Variants in NOM1 observed in about 807,000 individuals in gnomAD.
NOM1 encodes the protein nucleolar protein with MIF4G domain 1, also known as nucleolar MIF4G domain-containing protein 1.
NOM1 carries 58 observed loss-of-function variants against 73.3 expected under a neutral mutation model. The ratio of observed to expected loss-of-function variants is 0.79; its 90% CI spans 0.64 to 0.99. NOM1 has a LOEUF of 0.99. Ranked by LOEUF, NOM1 falls within the 50% of genes least tolerant of loss-of-function variation. The probability of loss-of-function intolerance (pLI) is 0.00; values close to 1 mark genes in which losing one functional copy is unlikely to be tolerated. For synonymous variants in NOM1, 487 were observed against 446.8 expected (o/e 1.09, Z -1.14); for missense variants, 1,226 against 1,131.9 (o/e 1.08, Z -1.19).
chr7:156,953,380 A>G (rs55652011), intron 2 of NOM1, among the ~76,000 whole-genome samples: 28,907 of 152,016 alleles, frequency 0.19, 2,920 homozygotes, highest in East Asian at 0.29. Flanking sequence ...CGCCCGCCTC[A>G]GCCTCCGAAA....
At chr7:156,961,265 T>G (rs1331479806) in intron 4 of NOM1, among the ~76,000 whole-genome samples, 1 of 152,060 alleles carries the variant, frequency 6.6e-6, no homozygotes, top group Non-Finnish European at 1.5e-5. Context: ...CCAGGAAGAA[T>G]TCACGCCCGT....
In NOM1 at chr7:156,949,933, G is replaced by C; in HGVS notation, c.196G>C (p.Glu66Gln). Reference sequence around the variant, plus strand: ...GGAAGGCGAGGCTCCCGGGGGTTGCGAGGGGCGCGGCGCCCCGGTGAGCTT... The same window carrying C: ...GGAAGGCGAGGCTCCCGGGGGTTGCCAGGGGCGCGGCGCCCCGGTGAGCTT... ...TSEGEAPGGC[E>Q]GRGAPVSFRP... The change falls in exon 1 of 11, where the codon GAG (glutamate) becomes CAG (glutamine). Residue 66 changes from glutamate (E) to glutamine (Q), a missense_variant. Transcript: ENST00000275820. The C allele has an allele frequency of 1.3e-6, 2 of 1,542,052 alleles. No homozygotes were observed. The highest frequency in any genetic ancestry group is 1.7e-6 in the Non-Finnish European group (2 of 1,145,868).
intron 1 of NOM1, among the ~76,000 whole-genome samples, chr7:156,951,567 T>G (rs1804593569): frequency 6.6e-6 from 1 of 152,344 alleles, no homozygotes; most frequent in African/African-American, 2.4e-5. Flanking sequence ...AATATTCAGC[T>G]TCTATGTATA....
chr7:156,956,384 A>G (rs903462716), intron 3 of NOM1, among the ~76,000 whole-genome samples: 1 of 152,190 alleles, frequency 6.6e-6, no homozygotes, highest in Non-Finnish European at 1.5e-5. Flanking sequence ...GTTAAGGTCA[A>G]CGAGTTAGTT....
In NOM1 at chr7:156,969,607, A is replaced by G; in HGVS notation, c.2487A>G (p.Ala829=). The G allele has an allele frequency of 6.2e-7, 1 of 1,614,078 alleles. No homozygotes were observed. The highest frequency in any genetic ancestry group is 8.5e-7 in the Non-Finnish European group (1 of 1,179,998). The stretch of plus-strand genomic sequence containing the variant: ...TCAGCCACTTCTTGCTAAAGAACGC[A>G]CAGGCCCACAGAAGCGCCGACGAAG... The part of the protein sequence containing the change: ...LFISHFLLKN[A]QAHRSADEAN... The change falls in exon 11 of 11, where the codon GCA becomes GCG. Residue 829 remains alanine (A), a synonymous_variant. Transcript: ENST00000275820.
chr7:156,959,802 G>A (rs1804817507), intron 3 of NOM1, 49 bp from the exon 4 acceptor site: 2 of 1,548,624 alleles, frequency 1.3e-6, no homozygotes, highest in Non-Finnish European at 1.8e-6. Flanking sequence ...GAAGGAGAAA[G>A]GAAGGTTTCT....
Position 156,954,214 on chromosome 7 carries a change from C to G in NOM1, c.1224C>G (p.Cys408Trp). ...DTLTSALMGA[C>W]VTASAMPSRL... ...TGACCTCCGCTCTCATGGGTGCCTG[C>G]GTCACTGCCTCGGCCATGCCCAGCA... The change falls in exon 3 of 11, where the codon TGC becomes TGG. Residue 408 changes from cysteine (C) to tryptophan (W), a missense_variant. Coordinates refer to ENST00000275820, the MANE Select transcript of NOM1 (RefSeq NM_138400.2). 6.2e-7 allele frequency: 1 copy of G among 1,613,780 alleles called. No individual in the cohort carries two copies. The highest frequency in any genetic ancestry group is 8.5e-7 in the Non-Finnish European group (1 of 1,179,890).
chr7:156,951,533 C>T (rs1219354694), intron 1 of NOM1, among the ~76,000 whole-genome samples: 1 of 152,212 alleles, frequency 6.6e-6, no homozygotes, highest in Non-Finnish European at 1.5e-5. Context: ...CTTCTCCCCA[C>T]ATCGCACTAG....
Position 156,970,880 on chromosome 7 carries a change from G to A in NOM1, c.*1177G>A, listed in dbSNP as rs1805125758. 1 of 147,360 alleles carries A rather than the reference G, an allele frequency of 6.8e-6. No homozygotes were observed. Among genetic ancestry groups the A allele is most frequent in the African/African-American group, 2.5e-5 (1 of 39,900 alleles). 9.1% of individuals were successfully genotyped at this position (147,360 alleles called of 1,614,324 possible). On this transcript the variant is annotated 3_prime_UTR_variant, in exon 11 of 11. Transcript: ENST00000275820. Reference sequence around the variant, plus strand: ...GATATTCATCTCCTCACCAATTCCAGATTGTAAATGTACCATCTTAAACAA... The same window carrying A: ...GATATTCATCTCCTCACCAATTCCAAATTGTAAATGTACCATCTTAAACAA...
At chr7:156,964,138 G>A in intron 7 of NOM1, 112 bp downstream of exon 7, 2 of 1,141,956 alleles carry the variant, frequency 1.8e-6, no homozygotes, top group South Asian at 2.9e-5. Flanking sequence ...AGGGAGGACT[G>A]GGCTGTTCTC....
At chr7:156,966,502 G>A in intron 8 of NOM1, 100 bp downstream of exon 8, 1 of 1,398,926 alleles carries the variant, frequency 7.1e-7, no homozygotes, top group South Asian at 1.2e-5. Flanking sequence ...CAAGTCAGGA[G>A]GCCCCTGATA....
At chr7:156,960,696 A>T (rs1804842939) in intron 4 of NOM1, among the ~76,000 whole-genome samples, 1 of 152,204 alleles carries the variant, frequency 6.6e-6, no homozygotes, top group Non-Finnish European at 1.5e-5. Context: ...GTCCCTTGTT[A>T]ATTACTGCAG....
chr7:156,950,509 G>C lies in NOM1; in HGVS notation c.772G>C (p.Glu258Gln). ...ESDLESDSQDESEEEEEGDVE... is the reference protein window; with the variant it reads ...ESDLESDSQDQSEEEEEGDVE... ...TGACTTAGAGAGTGACTCCCAGGAC[G>C]AAAGTGAGGAGGAGGAGGAGGGAGA... The change falls in exon 1 of 11, where the codon GAA becomes CAA. Residue 258 changes from glutamate to glutamine, a missense_variant. Coordinates refer to ENST00000275820, the MANE Select transcript of NOM1 (RefSeq NM_138400.2). 1 of 1,614,134 alleles carries C rather than the reference G, an allele frequency of 6.2e-7. No individual in the cohort carries two copies.
intron 4 of NOM1, among the ~76,000 whole-genome samples, chr7:156,961,381 A>G (rs900175091): frequency 6.6e-6 from 1 of 152,040 alleles, no homozygotes; most frequent in African/African-American, 2.4e-5. Flanking sequence ...AGCCAGTCTG[A>G]AGAGGAGGGG....
intron 3 of NOM1, among the ~76,000 whole-genome samples, chr7:156,955,896 G>A (rs1804708252): frequency 6.6e-6 from 1 of 152,110 alleles, no homozygotes; most frequent in African/African-American, 2.4e-5. Flanking sequence ...GCTTTAAGAT[G>A]CACATATTTG....
intron 3 of NOM1, among the ~76,000 whole-genome samples, chr7:156,955,745 A>C (rs1429970280): frequency 6.6e-6 from 1 of 152,230 alleles, no homozygotes; most frequent in Non-Finnish European, 1.5e-5. Flanking sequence ...AAAAGTACAC[A>C]GAACTTGTTT....
At chr7:156,966,546 C>A in intron 8 of NOM1, 144 bp downstream of exon 8, 1 of 950,560 alleles carries the variant, frequency 1.1e-6, no homozygotes, top group Non-Finnish European at 1.6e-6. Flanking sequence ...GCTGCCAGGC[C>A]ACCTTCACTG....
Position 156,960,010 on chromosome 7 carries a change from C to A in NOM1, c.1468C>A (p.Leu490Met). The change falls in exon 4 of 11, where the codon CTG becomes ATG. Residue 490 changes from leucine (L) to methionine (M), a missense_variant. Leu to Met is a conservative substitution (Grantham distance 15). Transcript: ENST00000275820. Reference protein sequence around the residue: ...SLLIFDILKKLIGTFTEKDIE... With the variant: ...SLLIFDILKKMIGTFTEKDIE... Reference sequence around the variant, plus strand: ...CCTCATCTTCGACATTTTGAAAAAACTGATTGGAACTTTCACCGAAAAAGA... The same window carrying A: ...CCTCATCTTCGACATTTTGAAAAAAATGATTGGAACTTTCACCGAAAAAGA... 1 of 1,614,158 alleles carries A rather than the reference C, an allele frequency of 6.2e-7. No homozygotes were observed. Among genetic ancestry groups the A allele is most frequent in the Non-Finnish European group, 8.5e-7 (1 of 1,180,030 alleles).
Position 156,949,723 on chromosome 7 carries a change from C to T in NOM1, c.-15C>T, listed in dbSNP as rs1804518510. On this transcript the variant is annotated 5_prime_UTR_variant, in exon 1 of 11. Coordinates refer to ENST00000275820, the MANE Select transcript of NOM1 (RefSeq NM_138400.2). ...CCGCCTCGGCCGGAAGTCGTGCGTC[C>T]ACGCGTTTCGAAAGATGGCGGCGTC... is the stretch of plus-strand genomic sequence containing the variant. 1.5e-6 allele frequency: 2 copies of T among 1,345,692 alleles called. No homozygotes were observed. The highest frequency in any genetic ancestry group is 1.9e-6 in the Non-Finnish European group (2 of 1,054,140). The allele number at this position is 1,345,692 out of a possible 1,614,324, so 83.4% of individuals were successfully genotyped here.
Sources: gnomAD v4.1 joint callset for allele counts (sites outside exome capture counted in the v4.1 genomes callset) on GRCh38, gnomAD v4.1.1 for gene constraint, MANE v1.5 for transcripts, NCBI Gene and HGNC (gene_info 2026-07-23, HGNC 2026-07-21) for gene names.